The following RPGRIP1 variants were observed in gnomAD, a reference collection of about 807,000 sequenced individuals.
RPGRIP1 encodes the protein X-linked retinitis pigmentosa GTPase regulator-interacting protein 1.
RPGRIP1 carries 128 observed loss-of-function variants against 157.9 expected under a neutral mutation model. That is an observed-to-expected ratio of 0.81 (90% confidence interval 0.70 to 0.94). The LOEUF (loss-of-function observed/expected upper bound fraction) is 0.94. RPGRIP1 is among the 40% of genes least tolerant of loss of function. The pLI is 0.00. For synonymous variants in RPGRIP1, 554 were observed against 571.6 expected (o/e 0.97, Z 0.44); for missense variants, 1,486 against 1,545.8 (o/e 0.96, Z 0.65).
intron 23 of RPGRIP1, among the ~76,000 whole-genome samples, chr14:21,346,730 T>G (rs1279755114): frequency 6.6e-6 from 1 of 152,220 alleles, no homozygotes; most frequent in Non-Finnish European, 1.5e-5. Context: ...AGAGACAGGA[T>G]CTCACTATGT....
chr14:21,341,631 G>C (rs1885007124), intron 21 of RPGRIP1, among the ~76,000 whole-genome samples: 1 of 152,130 alleles, frequency 6.6e-6, no homozygotes, highest in South Asian at 2.1e-4. Context: ...ACTGTGGAAG[G>C]AGGAGACTTC....
intron 22 of RPGRIP1, among the ~76,000 whole-genome samples, chr14:21,343,873 T>G (rs866596392): frequency 0.012 from 575 of 47,418 alleles, 5 homozygotes; most frequent in African/African-American, 0.055. Flanking sequence ...CCTGTTTTTT[T>G]TTTTTTTTTT....
intron 2 of RPGRIP1, among the ~76,000 whole-genome samples, chr14:21,289,558 T>G (rs2139134701): frequency 6.6e-6 from 1 of 152,304 alleles, no homozygotes; most frequent in Non-Finnish European, 1.5e-5. Context: ...GTTGATTCTA[T>G]TTTCACTTGA....
At chr14:21,297,832 T>TAAAGAAAGAAAGAAAGAA (rs1880847149) in intron 3 of RPGRIP1, among the ~76,000 whole-genome samples, 1 of 142,824 alleles carries the variant, frequency 7.0e-6, no homozygotes, top group African/African-American at 2.6e-5. Flanking sequence ...TCTCAATAAA[T>TAAAGAAAGAAAGAAAGAA]TATTCTTTCT....
At chr14:21,344,423 C>G (rs1353545983) in intron 22 of RPGRIP1, among the ~76,000 whole-genome samples, 2 of 152,140 alleles carry the variant, frequency 1.3e-5, no homozygotes, top group Admixed American at 6.6e-5. Flanking sequence ...CTCTAGCCCA[C>G]TGTTTCATTA....
chr14:21,281,704 A>AAATAATAATAATAATAAT (rs59116272), intron 1 of RPGRIP1, among the ~76,000 whole-genome samples: 17 of 133,996 alleles, frequency 1.3e-4, no homozygotes, highest in Admixed American at 9.8e-4. Context: ...AAAAAAAAAT[A>AAATAATAATAATAATAAT]AATAATAATA....
At chr14:21,295,663 A>G (rs1352850949) in intron 3 of RPGRIP1, among the ~76,000 whole-genome samples, 2 of 151,078 alleles carry the variant, frequency 1.3e-5, no homozygotes, top group African/African-American at 4.9e-5. Flanking sequence ...TTTAGTATAG[A>G]CGGGGTTTCT....
chr14:21,290,058 T>C (rs1279301759), intron 2 of RPGRIP1, among the ~76,000 whole-genome samples: 1 of 151,784 alleles, frequency 6.6e-6, no homozygotes, highest in East Asian at 1.9e-4. Context: ...GGTTTCACCA[T>C]GCTGGCCGGA....
At chr14:21,318,515 A>T (rs533490555) in intron 11 of RPGRIP1, among the ~76,000 whole-genome samples, 2 of 152,068 alleles carry the variant, frequency 1.3e-5, no homozygotes, top group Non-Finnish European at 2.9e-5. Flanking sequence ...TCACTCTGTC[A>T]CCCAGGCTGG....
chr14:21,324,502 A>G, intron 14 of RPGRIP1, 116 bp from the exon 15 acceptor site: 1 of 878,952 alleles, frequency 1.1e-6, no homozygotes, highest in Non-Finnish European at 1.8e-6. Flanking sequence ...GGTTTCTTGA[A>G]ATAATCACAA....
chr14:21,341,468 G>C lies in RPGRIP1; in HGVS notation c.3340-1568G>C, dbSNP rs113883822. 3.9e-5 allele frequency among the ~76,000 whole-genome samples: 6 copies of C among 152,252 alleles called. No individual in the cohort carries two copies. In the East Asian group the frequency reaches 5.8e-4, roughly 15 times the overall value. Reference sequence around the variant, plus strand: ...GAGAAGAAAAGATGGGGTAAGAGCCGGTCTTTGGAGAAGTAAGGGCATTGG... The same window carrying C: ...GAGAAGAAAAGATGGGGTAAGAGCCCGTCTTTGGAGAAGTAAGGGCATTGG... On this transcript the variant is annotated intron_variant, in intron 21 of 24. Transcript: ENST00000400017.
chr14:21,325,716 C>T (rs1419794118), intron 16 of RPGRIP1, 115 bp from the exon 17 acceptor site: 9 of 794,190 alleles, frequency 1.1e-5, no homozygotes, highest in Non-Finnish European at 1.8e-5. Context: ...TCTTCCTGAT[C>T]CAGTTGGGAT....
In RPGRIP1 at chr14:21,302,334, TA is replaced by T. The variant is rs11311589; in HGVS notation, c.491-144del. 0.31 allele frequency among the ~76,000 whole-genome samples: 46,294 copies of T among 150,016 alleles called. 7,264 individuals are homozygous for T. Among genetic ancestry groups the T allele is most frequent in the South Asian group, 0.39 (1,849 of 4,760 alleles). On this transcript the variant is annotated intron_variant, in intron 4 of 24. Coordinates refer to ENST00000400017, the MANE Select transcript of RPGRIP1 (RefSeq NM_020366.4). ...CTTTAGTTGCAGTTTTTTGCAAGAG[TA>T]AAAAAAAAACTGCTCCTCGGGGACC...
At chr14:21,317,305 G>C (rs780761571) in intron 10 of RPGRIP1, among the ~76,000 whole-genome samples, 4 of 152,148 alleles carry the variant, frequency 2.6e-5, no homozygotes, top group Non-Finnish European at 5.9e-5. Flanking sequence ...CTCACCGTTG[G>C]TGAAGGTAGA....
At chr14:21,343,275 T>C in intron 22 of RPGRIP1, 47 bp downstream of exon 22, 2 of 1,424,552 alleles carry the variant, frequency 1.4e-6, no homozygotes, top group Non-Finnish European at 1.9e-6. Context: ...CTGATGAACA[T>C]TGAGACTGAG....
At chr14:21,300,349 C>T (rs1880970971) in intron 3 of RPGRIP1, among the ~76,000 whole-genome samples, 1 of 148,512 alleles carries the variant, frequency 6.7e-6, no homozygotes, top group African/African-American at 2.5e-5. Context: ...TGTCCAGATA[C>T]AGTCACACTG....
chr14:21,335,915 T>C (rs57801093), intron 21 of RPGRIP1, among the ~76,000 whole-genome samples: 27,225 of 152,214 alleles, frequency 0.18, 3,050 homozygotes, highest in African/African-American at 0.31. Context: ...TACTCTTAAG[T>C]CGCTGCTGCC....
At chr14:21,334,558 TA>T in intron 20 of RPGRIP1, 46 bp from the exon 21 acceptor site, 1 of 1,338,638 alleles carries the variant, frequency 7.5e-7, no homozygotes, top group Non-Finnish European at 1.1e-6. Context: ...TTTCTTGGGC[TA>T]AAGTGCTTTG....
At chr14:21,311,713 C>T in intron 8 of RPGRIP1, 111 bp from the exon 9 acceptor site, 1 of 824,128 alleles carries the variant, frequency 1.2e-6, no homozygotes, top group Non-Finnish European at 1.9e-6. Context: ...AGCTATTAAT[C>T]AAAGTCATTC....
Sources: allele counts gnomAD v4.1 joint callset (sites outside exome capture counted in the v4.1 genomes callset), GRCh38; gene constraint gnomAD v4.1.1; transcripts MANE v1.5; gene names NCBI Gene and HGNC (gene_info 2026-07-23, HGNC 2026-07-21).